FHIT: variants seen among roughly 807,000 people sequenced by gnomAD.
The protein encoded by FHIT is fragile histidine triad diadenosine triphosphatase.
Under a neutral mutation model 17.9 loss-of-function variants are expected in FHIT, and 19 were observed. The observed-to-expected ratio is 1.06, with a 90% confidence interval of 0.74 to 1.56. The LOEUF is 1.56. FHIT is among the 40% of genes most tolerant of loss of function. FHIT has a pLI of 0.00. For missense variants in FHIT, 248 were observed against 189.2 expected (o/e 1.31, Z -1.82); for synonymous variants, 81 against 69.7 (o/e 1.16, Z -0.81).
intron 5 of FHIT, among the ~76,000 whole-genome samples, chr3:60,327,754 G>A (rs1215068490): frequency 6.6e-6 from 1 of 152,212 alleles, no homozygotes; most frequent in Non-Finnish European, 1.5e-5. Flanking sequence ...AGTGACTGGA[G>A]ATGGTCTCTG....
intron 5 of FHIT, among the ~76,000 whole-genome samples, chr3:60,463,588 A>G (rs2032603463): frequency 6.6e-6 from 1 of 152,128 alleles, no homozygotes; most frequent in South Asian, 2.1e-4. Context: ...GAAACCCATC[A>G]TTTACTGGGG....
chr3:60,074,928 C>A (rs1463602967), intron 5 of FHIT, among the ~76,000 whole-genome samples: 1 of 152,058 alleles, frequency 6.6e-6, no homozygotes, highest in Non-Finnish European at 1.5e-5. Context: ...ACACGTCTCC[C>A]TTTCACTGGA....
chr3:60,222,049 A>G (rs1214511394), intron 5 of FHIT, among the ~76,000 whole-genome samples: 1 of 152,138 alleles, frequency 6.6e-6, no homozygotes, highest in Non-Finnish European at 1.5e-5. Context: ...ACTGGTAGGC[A>G]GTAAGTGCTC....
At chr3:61,064,884 G>C (rs1346017880) in intron 2 of FHIT, among the ~76,000 whole-genome samples, 1 of 152,156 alleles carries the variant, frequency 6.6e-6, no homozygotes, top group Non-Finnish European at 1.5e-5. Flanking sequence ...ATGTGCCCAA[G>C]TCTAACACTT....
At chr3:60,038,177 G>A (rs922600019) in intron 5 of FHIT, among the ~76,000 whole-genome samples, 1 of 152,088 alleles carries the variant, frequency 6.6e-6, no homozygotes, top group African/African-American at 2.4e-5. Flanking sequence ...CCTAACCACT[G>A]CCACATGTAC....
intron 3 of FHIT, among the ~76,000 whole-genome samples, chr3:60,832,103 G>A (rs1416199464): frequency 6.6e-6 from 1 of 151,944 alleles, no homozygotes; most frequent in East Asian, 1.9e-4. Flanking sequence ...TTTATATAAT[G>A]CTCATTATGT....
At chr3:60,508,963 C>A (rs2034840832) in intron 5 of FHIT, among the ~76,000 whole-genome samples, 1 of 152,128 alleles carries the variant, frequency 6.6e-6, no homozygotes, top group Non-Finnish European at 1.5e-5. Context: ...ACACAAATCA[C>A]TGCTTTAAGA....
At chr3:60,010,655 G>A (rs546882722) in intron 7 of FHIT, among the ~76,000 whole-genome samples, 11 of 152,256 alleles carry the variant, frequency 7.2e-5, no homozygotes, top group East Asian at 1.9e-4. Context: ...GAATCTACCC[G>A]TATAGGAATT....
intron 5 of FHIT, among the ~76,000 whole-genome samples, chr3:60,251,636 G>C (rs942824601): frequency 1.3e-5 from 2 of 152,084 alleles, no homozygotes; most frequent in African/African-American, 4.8e-5. Flanking sequence ...CATGCATGTT[G>C]TGTGTGTGTA....
chr3:60,120,846 T>C (rs571913982), intron 5 of FHIT, among the ~76,000 whole-genome samples: 604 of 45,126 alleles, frequency 0.013, 7 homozygotes, highest in African/African-American at 0.051. Flanking sequence ...AGCTAAGTGA[T>C]TTTTTTTTTC....
In FHIT at chr3:59,956,592, C is replaced by T. The variant is rs113556386; in HGVS notation, c.280-34178G>A. On this transcript the variant is annotated intron_variant, in intron 7 of 9. Transcript: ENST00000492590. Reference sequence around the variant, plus strand: ...CTGAACCAGGAGAATTGCTTGAACCCGGGAGGGAGAGGTTACCGTGAGCCA... The same window carrying T: ...CTGAACCAGGAGAATTGCTTGAACCTGGGAGGGAGAGGTTACCGTGAGCCA... Among the ~76,000 whole-genome samples the T allele has an allele frequency of 6.5e-3, 995 of 152,120 alleles. 14 individuals carry two copies. Among genetic ancestry groups the T allele is most frequent in the African/African-American group, 0.022 (932 of 41,486 alleles).
At chr3:60,413,171 T>A (rs1386002934) in intron 5 of FHIT, among the ~76,000 whole-genome samples, 1 of 152,208 alleles carries the variant, frequency 6.6e-6, no homozygotes, top group Non-Finnish European at 1.5e-5. Context: ...TTTAGCTACA[T>A]ACAGCAATTA....
At chr3:60,710,401 G>T (rs1553704724) in intron 4 of FHIT, among the ~76,000 whole-genome samples, 1 of 152,206 alleles carries the variant, frequency 6.6e-6, no homozygotes, top group Non-Finnish European at 1.5e-5. Flanking sequence ...ATCTCACTAG[G>T]GAGTGCCAGA....
intron 4 of FHIT, among the ~76,000 whole-genome samples, chr3:60,590,210 G>C (rs2038039774): frequency 6.6e-6 from 1 of 151,980 alleles, no homozygotes; most frequent in Non-Finnish European, 1.5e-5. Context: ...GAACTCTGTG[G>C]AACGCTTCAG....
At chr3:60,007,032 T>C (rs1279685619) in intron 7 of FHIT, among the ~76,000 whole-genome samples, 1 of 152,178 alleles carries the variant, frequency 6.6e-6, no homozygotes, top group Non-Finnish European at 1.5e-5. Context: ...ACTATAAAAT[T>C]AAATTTCTAA....
At chr3:60,113,764 G>A (rs1403429080) in intron 5 of FHIT, among the ~76,000 whole-genome samples, 4 of 150,806 alleles carry the variant, frequency 2.7e-5, no homozygotes, top group Non-Finnish European at 5.9e-5. Context: ...CACTTTGGGA[G>A]GCCGAGGCGA....
At chr3:60,802,013 C>T (rs1559734100) in intron 4 of FHIT, among the ~76,000 whole-genome samples, 1 of 152,180 alleles carries the variant, frequency 6.6e-6, no homozygotes, top group Non-Finnish European at 1.5e-5. Context: ...GGGTTAGAAA[C>T]ATATAATATC....
chr3:59,895,759 T>C (rs1392313442), intron 8 of FHIT, among the ~76,000 whole-genome samples: 2 of 152,250 alleles, frequency 1.3e-5, no homozygotes, highest in South Asian at 2.1e-4. Context: ...AATAACCATA[T>C]GTCCTGTTAA....
intron 5 of FHIT, among the ~76,000 whole-genome samples, chr3:60,265,616 A>G (rs914566045): frequency 6.6e-6 from 1 of 152,140 alleles, no homozygotes; most frequent in Middle Eastern, 3.4e-3. Context: ...TTTGAAGGAC[A>G]TCATTAATAA....
Sources: gnomAD v4.1 joint callset for allele counts (sites outside exome capture counted in the v4.1 genomes callset) on GRCh38, gnomAD v4.1.1 for gene constraint, MANE v1.5 for transcripts, NCBI Gene and HGNC (gene_info 2026-07-23, HGNC 2026-07-21) for gene names.